Variants in HMBOX1 observed in about 807,000 individuals in gnomAD.
HMBOX1 encodes homeobox containing 1, also known as homeobox-containing protein 1.
In HMBOX1, 14 loss-of-function variants were observed where a neutral mutation model predicts 54.5. The ratio of observed to expected loss-of-function variants is 0.26; its 90% CI spans 0.17 to 0.40. The LOEUF is 0.40. HMBOX1 is among the 10% of genes least tolerant of loss of function. The pLI is 1.00. For missense variants in HMBOX1, 332 were observed against 514.4 expected (o/e 0.65, Z 3.43); for synonymous variants, 160 against 181.0 (o/e 0.88, Z 0.93).
At chr8:28,897,020 T>C (rs1043514754) in intron 1 of HMBOX1, among the ~76,000 whole-genome samples, 17 of 151,742 alleles carry the variant, frequency 1.1e-4, no homozygotes, top group African/African-American at 3.9e-4. Flanking sequence ...GTTTCGCTCT[T>C]GTTACCCAGG....
intron 6 of HMBOX1, among the ~76,000 whole-genome samples, chr8:29,029,823 G>A (rs944603009): frequency 3.3e-5 from 5 of 152,158 alleles, no homozygotes; most frequent in Non-Finnish European, 7.4e-5. Flanking sequence ...CTAAGGTTTA[G>A]ACTAAGAATT....
upstream of HMBOX1, chr8:28,890,317 G>T (rs1343957155): frequency 5.8e-6 from 1 of 172,512 alleles, no homozygotes; most frequent in Admixed American, 5.7e-5. Flanking sequence ...CTAGGCGCCG[G>T]GCTCCGCAAT....
chr8:28,984,719 A>G (rs1279244228), intron 4 of HMBOX1, among the ~76,000 whole-genome samples: 3 of 152,198 alleles, frequency 2.0e-5, no homozygotes, highest in Non-Finnish European at 2.9e-5. Context: ...AAGCACATGT[A>G]TTCTGTATTC....
chr8:29,035,150 T>C (rs1301502675), intron 6 of HMBOX1, among the ~76,000 whole-genome samples: 1 of 152,172 alleles, frequency 6.6e-6, no homozygotes, highest in East Asian at 1.9e-4. Context: ...GATTGATCCC[T>C]GGGAGGACCA....
intron 6 of HMBOX1, among the ~76,000 whole-genome samples, chr8:29,038,154 CAGTGT>C (rs1804212507): frequency 6.6e-6 from 1 of 152,120 alleles, no homozygotes; most frequent in Non-Finnish European, 1.5e-5. Flanking sequence ...TTATAGACTT[CAGTGT>C]TATTGAAATG....
intron 6 of HMBOX1, among the ~76,000 whole-genome samples, chr8:29,042,071 C>T (rs866470407): frequency 2.6e-5 from 4 of 152,140 alleles, no homozygotes; most frequent in Non-Finnish European, 5.9e-5. Context: ...TTGTAAGACA[C>T]ACCTTAGTTG....
intron 9 of HMBOX1, chr8:29,050,309 G>A: frequency 5.7e-6 from 4 of 697,898 alleles, no homozygotes; most frequent in Non-Finnish European, 7.0e-6. Context: ...CGTACATCCT[G>A]CAATGCCAGC....
chr8:28,979,925 A>G (rs1829065685), intron 3 of HMBOX1, 146 bp from the exon 4 acceptor site: 2 of 612,902 alleles, frequency 3.3e-6, no homozygotes, highest in Non-Finnish European at 5.9e-6. Flanking sequence ...GTAATTTCAT[A>G]TTTTCACACA....
At chr8:28,924,016 G>T (rs531502354) in intron 1 of HMBOX1, among the ~76,000 whole-genome samples, 2 of 151,152 alleles carry the variant, frequency 1.3e-5, no homozygotes, top group South Asian at 2.1e-4. Flanking sequence ...GGATAATCTC[G>T]TCTCAGATAT....
At chr8:29,016,531 C>T (rs1388249293) in intron 5 of HMBOX1, among the ~76,000 whole-genome samples, 1 of 152,204 alleles carries the variant, frequency 6.6e-6, no homozygotes, top group Admixed American at 6.5e-5. Context: ...AGCAGCTTAA[C>T]ACAACCAGCA....
chr8:28,934,478 T>TA (rs1820035113), intron 1 of HMBOX1, among the ~76,000 whole-genome samples: 1 of 152,066 alleles, frequency 6.6e-6, no homozygotes, highest in African/African-American at 2.4e-5. Flanking sequence ...AATAGGAAAA[T>TA]AAAAGGCATA....
At chr8:29,039,744 A>C (rs749748221) in intron 6 of HMBOX1, among the ~76,000 whole-genome samples, 10 of 152,120 alleles carry the variant, frequency 6.6e-5, no homozygotes, top group African/African-American at 9.7e-5. Context: ...AGCACATGTG[A>C]AAAAGACTCA....
At chr8:28,893,922 A>G (rs200706319) in intron 1 of HMBOX1, among the ~76,000 whole-genome samples, 1 of 152,176 alleles carries the variant, frequency 6.6e-6, no homozygotes, top group South Asian at 2.1e-4. Flanking sequence ...TTTTGTATAC[A>G]GCTCTTTAAA....
At chr8:28,969,192 A>T (rs1205772984) in intron 2 of HMBOX1, among the ~76,000 whole-genome samples, 1 of 152,112 alleles carries the variant, frequency 6.6e-6, no homozygotes, top group Non-Finnish European at 1.5e-5. Context: ...CAACAACAAC[A>T]ACAACAAAGG....
rs558061116 is a variant in HMBOX1 at position 28,982,657 on chromosome 8, G to A, written c.586+2501G>A. Among the ~76,000 whole-genome samples the A allele has an allele frequency of 1.1e-4, 17 of 148,778 alleles. No individual in the cohort carries two copies. In the South Asian group the frequency reaches 3.2e-3, roughly 28 times the overall value. ...TTTTTTTTTTTTGAGTTGGAGTCTT[G>A]CTCTGTCGCCCAAGCTAGAGTGCAA... On this transcript the variant is annotated intron_variant, in intron 4 of 9. Transcript: ENST00000287701.
chr8:28,973,752 T>C (rs1400906583), intron 3 of HMBOX1, among the ~76,000 whole-genome samples: 2 of 150,476 alleles, frequency 1.3e-5, no homozygotes, highest in South Asian at 2.1e-4. Context: ...AATCTTATAA[T>C]TCGTTGACTT....
At chr8:28,941,186 T>G (rs1821349653) in intron 1 of HMBOX1, among the ~76,000 whole-genome samples, 1 of 152,194 alleles carries the variant, frequency 6.6e-6, no homozygotes, top group Non-Finnish European at 1.5e-5. Context: ...AAATGGCTCA[T>G]CTGTGTATTT....
At chr8:28,942,703 A>AT (rs908776060) in intron 1 of HMBOX1, among the ~76,000 whole-genome samples, 39 of 151,598 alleles carry the variant, frequency 2.6e-4, no homozygotes, top group African/African-American at 8.7e-4. Context: ...GAATTTTCTT[A>AT]TTTTTTTTAA....
intron 1 of HMBOX1, among the ~76,000 whole-genome samples, chr8:28,936,138 A>G (rs551832695): frequency 2.0e-5 from 3 of 152,226 alleles, no homozygotes; most frequent in South Asian, 4.1e-4. Flanking sequence ...CTTTTTCACA[A>G]TACTAACTGT....
Sources: gnomAD v4.1 joint callset for allele counts (sites outside exome capture counted in the v4.1 genomes callset) on GRCh38, gnomAD v4.1.1 for gene constraint, MANE v1.5 for transcripts, NCBI Gene and HGNC (gene_info 2026-07-23, HGNC 2026-07-21) for gene names.